Variants in TGFBRAP1 observed in about 807,000 individuals in gnomAD.
The protein encoded by TGFBRAP1 is transforming growth factor beta receptor associated protein 1.
TGFBRAP1 carries 20 observed loss-of-function variants against 83.2 expected under a neutral mutation model. That is an observed-to-expected ratio of 0.24 (90% confidence interval 0.17 to 0.35). The LOEUF is 0.35. Among genes scored for constraint, TGFBRAP1 ranks in the 10% least tolerant of loss-of-function variants. The pLI, the probability that TGFBRAP1 is intolerant of heterozygous loss-of-function variation, is 1.00. For synonymous variants in TGFBRAP1, 415 were observed against 459.8 expected (o/e 0.90, Z 1.25); for missense variants, 950 against 1,099.4 (o/e 0.86, Z 1.92).
At chr2:105,270,191 A>G (rs1677103861) in intron 10 of TGFBRAP1, among the ~76,000 whole-genome samples, 1 of 152,206 alleles carries the variant, frequency 6.6e-6, no homozygotes, top group African/African-American at 2.4e-5. Flanking sequence ...ATTTCATTGA[A>G]TGGAATATGA....
intron 4 of TGFBRAP1, among the ~76,000 whole-genome samples, chr2:105,295,827 A>T (rs2104369812): frequency 6.6e-6 from 1 of 151,996 alleles, no homozygotes; most frequent in South Asian, 2.1e-4. Context: ...AAAAAAAAAA[A>T]AAAAAGTTCT....
At chr2:105,258,730 TACACACAC>T in the TGFBRAP1 span, among the ~76,000 whole-genome samples, 7,502 of 140,514 alleles carry the variant, frequency 0.053, 259 homozygotes, top group South Asian at 0.12. Flanking sequence ...TCCCCACCCC[TACACACAC>T]ACACACACAC....
the TGFBRAP1 span, chr2:105,249,462 G>A: frequency 6.6e-6 from 1 of 152,128 alleles, no homozygotes; most frequent in Non-Finnish European, 1.5e-5. Context: ...ATCAGCCAAA[G>A]ATGGTTGCCT....
rs924110461 is a variant in TGFBRAP1, at chr2:105,266,759, C to A, written c.*624G>T. 1 of 152,184 alleles carries A rather than the reference C, an allele frequency of 6.6e-6. No individual in the cohort carries two copies. The allele number at this position is 152,184 out of a possible 1,614,324, so 9.4% of individuals were successfully genotyped here. A position where few individuals can be genotyped will look rare whatever the true frequency, so the allele number is the denominator to read the frequency against. On this transcript the variant is annotated 3_prime_UTR_variant, in exon 12 of 12. Coordinates refer to ENST00000393359, the MANE Select transcript of TGFBRAP1 (RefSeq NM_004257.6). The stretch of plus-strand genomic sequence containing the variant: ...GCAGAATCTTTTGGGAGCTGAGAGC[C>A]GGAGAGGAAGAAAGAAGGAACAAAG...
chr2:105,326,391 C>T (rs1439293830), intron 1 of TGFBRAP1, among the ~76,000 whole-genome samples: 3 of 152,172 alleles, frequency 2.0e-5, no homozygotes, highest in African/African-American at 4.8e-5. Flanking sequence ...TAACATCTTC[C>T]TCAATACTGA....
At chr2:105,281,499 C>T (rs1233059611) in intron 5 of TGFBRAP1, among the ~76,000 whole-genome samples, 2 of 152,158 alleles carry the variant, frequency 1.3e-5, no homozygotes, top group Non-Finnish European at 2.9e-5. Context: ...TCAGAGCATC[C>T]TCCTTCATCC....
chr2:105,294,969 G>C (rs1328271295), intron 4 of TGFBRAP1, among the ~76,000 whole-genome samples: 3 of 152,152 alleles, frequency 2.0e-5, no homozygotes, highest in Non-Finnish European at 4.4e-5. Context: ...AGAAGGGGCT[G>C]AGAGCACATG....
In TGFBRAP1 at chr2:105,292,242, G is replaced by T. The variant is rs1277310208; in HGVS notation, c.1038+4114C>A. Reference sequence around the variant, plus strand: ...CCAAATAGCATGTGGAAGGCTCGATGCTCTGAAAAAGTACAGACAATATAA... The same window carrying T: ...CCAAATAGCATGTGGAAGGCTCGATTCTCTGAAAAAGTACAGACAATATAA... On this transcript the variant is annotated intron_variant, in intron 4 of 11. Coordinates refer to ENST00000393359, the MANE Select transcript of TGFBRAP1 (RefSeq NM_004257.6). Among the ~76,000 whole-genome samples, 10 of 152,276 alleles carry T rather than the reference G, an allele frequency of 6.6e-5. No homozygotes were observed. The East Asian group carries it at 1.4e-3, about 21-fold the overall frequency.
Position 105,280,541 on chromosome 2 carries a change from A to C in TGFBRAP1, c.1304T>G (p.Val435Gly), listed in dbSNP as rs1319440384. Residue 435 changes from valine (V) to glycine (G), a missense_variant, in exon 6 of 12, where the codon GTC becomes GGC. Transcript: ENST00000393359. ...KRFLMSYLNE[V>G]RSTEVANGYK... ...GCCATTTGCTACCTCTGTGCTGCGG[A>C]CCTCGTTCAGGTAGCTCATGAGGAA... The C allele has an allele frequency of 6.2e-7, 1 of 1,614,044 alleles. No individual in the cohort carries two copies. The highest frequency in any genetic ancestry group is 8.5e-7 in the Non-Finnish European group (1 of 1,180,010).
chr2:105,277,301 T>G (rs1677382662), intron 7 of TGFBRAP1, among the ~76,000 whole-genome samples: 1 of 152,228 alleles, frequency 6.6e-6, no homozygotes, highest in African/African-American at 2.4e-5. Flanking sequence ...ATTCACTGCC[T>G]AAATTTTCTG....
chr2:105,295,672 G>A (rs1245279130), intron 4 of TGFBRAP1, among the ~76,000 whole-genome samples: 4 of 151,888 alleles, frequency 2.6e-5, no homozygotes, highest in Non-Finnish European at 5.9e-5. Context: ...TTTGCTGGGT[G>A]TGGTGGCGGG....
chr2:105,268,304 G>A (rs1221403868), intron 11 of TGFBRAP1, among the ~76,000 whole-genome samples: 2 of 152,158 alleles, frequency 1.3e-5, no homozygotes, highest in Non-Finnish European at 2.9e-5. Context: ...ATAAAGAAAT[G>A]AAGTTCCCTG....
intron 2 of TGFBRAP1, among the ~76,000 whole-genome samples, chr2:105,305,969 G>C (rs1249048123): frequency 6.6e-6 from 1 of 150,828 alleles, no homozygotes; most frequent in Admixed American, 6.6e-5. Context: ...CAACTTTTTA[G>C]AATGAGGAGC....
At chr2:105,292,127 C>G (rs1392223198) in intron 4 of TGFBRAP1, among the ~76,000 whole-genome samples, 1 of 152,200 alleles carries the variant, frequency 6.6e-6, no homozygotes, top group African/African-American at 2.4e-5. Context: ...TACCATAGGA[C>G]TGCTTTAGAA....
At chr2:105,276,914 G>A (rs1318488406) in intron 7 of TGFBRAP1, among the ~76,000 whole-genome samples, 1 of 152,076 alleles carries the variant, frequency 6.6e-6, no homozygotes, top group Non-Finnish European at 1.5e-5. Context: ...TGATGCTCTT[G>A]GCCCCTCACA....
chr2:105,295,156 T>C (rs1349808825), intron 4 of TGFBRAP1, among the ~76,000 whole-genome samples: 1 of 152,200 alleles, frequency 6.6e-6, no homozygotes, highest in Non-Finnish European at 1.5e-5. Flanking sequence ...CGTTTAAATG[T>C]AGAAAAGAGG....
rs1677051721 is a variant in TGFBRAP1, at chr2:105,269,097, C to T, written c.2406+175G>A. ...CCGATGTTACACCTACCAGCCCAGC[C>T]TCTGCCTCTGCTCACACAGACCTCA... On this transcript the variant is annotated intron_variant, in intron 11 of 11. Coordinates refer to ENST00000393359, the MANE Select transcript of TGFBRAP1 (RefSeq NM_004257.6). This position sits in a 1 kb window ranked among gnomAD's most constrained non-coding sequence, Gnocchi z 4.1. Among the ~76,000 whole-genome samples the T allele has an allele frequency of 1.3e-5, 2 of 152,232 alleles. No homozygotes were observed. Among genetic ancestry groups the T allele is most frequent in the South Asian group, 4.1e-4 (2 of 4,832 alleles).
chr2:105,268,769 G>T (rs1677035826), intron 11 of TGFBRAP1, among the ~76,000 whole-genome samples: 1 of 152,226 alleles, frequency 6.6e-6, no homozygotes, highest in Non-Finnish European at 1.5e-5. Context: ...TCTCCCGAAG[G>T]TGAGTACAGT....
chr2:105,317,783 G>A (rs1418049483), intron 1 of TGFBRAP1, among the ~76,000 whole-genome samples: 1 of 152,160 alleles, frequency 6.6e-6, no homozygotes, highest in Admixed American at 6.6e-5. Flanking sequence ...GGGAACTCCT[G>A]CAGCAAGAAA....
Sources: allele counts gnomAD v4.1 joint callset (sites outside exome capture counted in the v4.1 genomes callset), GRCh38; gene constraint gnomAD v4.1.1; non-coding constraint Gnocchi (gnomAD v3.1); transcripts MANE v1.5; gene names NCBI Gene and HGNC (gene_info 2026-07-23, HGNC 2026-07-21).